Variants in THSD4 observed in about 807,000 individuals in gnomAD.
THSD4 encodes the protein thrombospondin type 1 domain containing 4, also known as thrombospondin type-1 domain-containing protein 4.
In THSD4, 69 loss-of-function variants were observed where a neutral mutation model predicts 119.0. That is an observed-to-expected ratio of 0.58 (90% CI 0.48 to 0.71). THSD4 has a LOEUF of 0.71. Among genes scored for constraint, THSD4 ranks in the 30% least tolerant of loss-of-function variants. The pLI is 0.00. For missense variants in THSD4, 1,393 were observed against 1,391.1 expected, an observed-to-expected ratio of 1.00 and a Z score of -0.02; for synonymous variants, 524 against 540.4, an observed-to-expected ratio of 0.97 and a Z score of 0.42.
chr15:71,324,490 G>T (rs2045315365), intron 6 of THSD4, among the ~76,000 whole-genome samples: 1 of 151,962 alleles, frequency 6.6e-6, no homozygotes, highest in African/African-American at 2.4e-5. Flanking sequence ...CTCCATAGTT[G>T]ATTATATCAC....
chr15:71,326,776 G>A (rs2045351793), intron 6 of THSD4, among the ~76,000 whole-genome samples: 1 of 131,138 alleles, frequency 7.6e-6, no homozygotes, highest in African/African-American at 2.8e-5. Flanking sequence ...TCAAGAGGCT[G>A]AAGTGGGAGG....
chr15:71,172,698 T>C lies in THSD4; in HGVS notation c.99+17766T>C, dbSNP rs1317753370. 2.5e-4 allele frequency among the ~76,000 whole-genome samples: 24 copies of C among 96,358 alleles called. 1 individual carries two copies. The highest frequency in any genetic ancestry group is 1.3e-3 in the African/African-American group (24 of 18,550). The allele number at this position is 96,358 out of a possible 152,430, so 63.2% of individuals were successfully genotyped here. ...AGACCTATACATATATATATATATATATATATATATATATATATATATATA... is the reference window on the plus strand; with the variant it reads ...AGACCTATACATATATATATATATACATATATATATATATATATATATATA... On this transcript the variant is annotated intron_variant, in intron 3 of 17. Transcript: ENST00000261862.
At chr15:71,243,889 A>G (rs1390346803) in intron 5 of THSD4, among the ~76,000 whole-genome samples, 6 of 149,914 alleles carry the variant, frequency 4.0e-5, no homozygotes, top group Admixed American at 1.3e-4. Flanking sequence ...GGTTCAAGCA[A>G]TTTTCCTGCC....
At chr15:71,486,634 T>TTA (rs2047826405) in intron 7 of THSD4, among the ~76,000 whole-genome samples, 2 of 124,906 alleles carry the variant, frequency 1.6e-5, no homozygotes, top group South Asian at 2.7e-4. Flanking sequence ...TTTTTTTTTT[T>TTA]TTATTTCCCA....
At chr15:71,716,561 G>GGGGTGTGTGTGT (rs1555445094) in intron 8 of THSD4, among the ~76,000 whole-genome samples, 1 of 144,618 alleles carries the variant, frequency 6.9e-6, no homozygotes, top group South Asian at 2.2e-4. Context: ...TAGAGTGTGG[G>GGGGTGTGTGTGT]GTGTGTGTGT....
chr15:71,487,655 A>C (rs1363435813), intron 7 of THSD4, among the ~76,000 whole-genome samples: 1 of 152,240 alleles, frequency 6.6e-6, no homozygotes, highest in Admixed American at 6.5e-5. Flanking sequence ...ATCATGTTAA[A>C]TGGTATATAA....
intron 8 of THSD4, among the ~76,000 whole-genome samples, chr15:71,712,427 T>C (rs1034450157): frequency 6.6e-6 from 1 of 152,114 alleles, no homozygotes; most frequent in Non-Finnish European, 1.5e-5. Flanking sequence ...AAGAAAGAGC[T>C]CAAATCAATA....
At chr15:71,423,459 T>A (rs924508054) in intron 7 of THSD4, among the ~76,000 whole-genome samples, 1 of 152,172 alleles carries the variant, frequency 6.6e-6, no homozygotes, top group Middle Eastern at 3.2e-3. Flanking sequence ...CAGGTTCCCT[T>A]CTGGCCCAGG....
At chr15:71,273,956 A>G (rs2044561668) in intron 6 of THSD4, among the ~76,000 whole-genome samples, 1 of 152,216 alleles carries the variant, frequency 6.6e-6, no homozygotes, top group South Asian at 2.1e-4. Flanking sequence ...GACAGAACTC[A>G]CAGTCTCATT....
At chr15:71,588,300 C>A (rs866268217) in intron 7 of THSD4, among the ~76,000 whole-genome samples, 2 of 68,764 alleles carry the variant, frequency 2.9e-5, no homozygotes, top group Non-Finnish European at 6.9e-5. Context: ...AGCGAGACTC[C>A]GTCTCAAAAA....
At chr15:71,483,314 T>A (rs955152700) in intron 7 of THSD4, among the ~76,000 whole-genome samples, 9 of 152,176 alleles carry the variant, frequency 5.9e-5, no homozygotes, top group Non-Finnish European at 1.3e-4. Context: ...CGTGTGAATA[T>A]ATGTAAATGT....
chr15:71,350,222 C>T (rs1191300712), intron 6 of THSD4, among the ~76,000 whole-genome samples: 1 of 151,330 alleles, frequency 6.6e-6, no homozygotes, highest in Non-Finnish European at 1.5e-5. Flanking sequence ...AAGTTGAACT[C>T]AGCTTTGTCC....
intron 6 of THSD4, among the ~76,000 whole-genome samples, chr15:71,359,409 G>C (rs1488604951): frequency 6.6e-6 from 1 of 152,192 alleles, no homozygotes; most frequent in Non-Finnish European, 1.5e-5. Flanking sequence ...AACCCTGGTA[G>C]GTAGAAGCTG....
At chr15:71,574,459 A>G (rs769739217) in intron 7 of THSD4, among the ~76,000 whole-genome samples, 1 of 152,194 alleles carries the variant, frequency 6.6e-6, no homozygotes, top group African/African-American at 2.4e-5. Flanking sequence ...AACCAAGATC[A>G]TATAATTAAA....
At chr15:71,272,563 A>G (rs1411005661) in intron 6 of THSD4, among the ~76,000 whole-genome samples, 2 of 152,080 alleles carry the variant, frequency 1.3e-5, no homozygotes, top group East Asian at 3.9e-4. Flanking sequence ...ACAATAAGCT[A>G]TCATCTCATG....
At chr15:71,287,289 C>T (rs2044730235) in intron 6 of THSD4, among the ~76,000 whole-genome samples, 1 of 152,118 alleles carries the variant, frequency 6.6e-6, no homozygotes, top group Non-Finnish European at 1.5e-5. Flanking sequence ...TTGTTTTTAT[C>T]ATTTCATCAT....
chr15:71,343,301 T>C (rs1331422336), intron 6 of THSD4, among the ~76,000 whole-genome samples: 1 of 152,226 alleles, frequency 6.6e-6, no homozygotes, highest in African/African-American at 2.4e-5. Flanking sequence ...ATAGATTAGA[T>C]AGACCCTGTC....
chr15:71,500,676 A>G (rs2048097338), intron 7 of THSD4, among the ~76,000 whole-genome samples: 1 of 152,190 alleles, frequency 6.6e-6, no homozygotes, highest in African/African-American at 2.4e-5. Flanking sequence ...TAAGAGTCTA[A>G]CTTCATTCTT....
At chr15:71,395,967 T>C (rs1446141853) in intron 6 of THSD4, among the ~76,000 whole-genome samples, 1 of 139,654 alleles carries the variant, frequency 7.2e-6, no homozygotes, top group African/African-American at 2.9e-5. Context: ...ACAGACTTTG[T>C]TGAGCACATG....
Sources: allele counts gnomAD v4.1 joint callset (sites outside exome capture counted in the v4.1 genomes callset), GRCh38; gene constraint gnomAD v4.1.1; transcripts MANE v1.5; gene names NCBI Gene and HGNC (gene_info 2026-07-23, HGNC 2026-07-21).